Variants in UBE3B observed in about 807,000 individuals in gnomAD.
The protein encoded by UBE3B is ubiquitin protein ligase E3B.
A neutral mutation model predicts 132.3 loss-of-function variants in UBE3B; 80 were observed. The ratio of observed to expected loss-of-function variants is 0.60; its 90% CI spans 0.50 to 0.73. The LOEUF is 0.73. Among genes scored for constraint, UBE3B ranks in the 30% least tolerant of loss-of-function variants. UBE3B has a pLI of 0.00. For synonymous variants in UBE3B, 487 were observed against 520.4 expected, an observed-to-expected ratio of 0.94 and a Z score of 0.87; for missense variants, 1,196 against 1,362.5, an observed-to-expected ratio of 0.88 and a Z score of 1.92.
At chr12:109,510,013 T>C (rs924641811) in intron 16 of UBE3B, among the ~76,000 whole-genome samples, 7 of 152,146 alleles carry the variant, frequency 4.6e-5, no homozygotes, top group African/African-American at 1.7e-4. Flanking sequence ...TTGATTTCCG[T>C]GAAGATAAAA....
chr12:109,516,714 A>C (rs756262426), intron 18 of UBE3B, 51 bp from the exon 19 acceptor site: 19 of 1,594,314 alleles, frequency 1.2e-5, no homozygotes, highest in Non-Finnish European at 1.5e-5. Context: ...GTTTTTATGG[A>C]ATCGTCAGTT....
rs1877403944 is a variant in UBE3B, at chr12:109,491,141, C to G, written c.713+14C>G. ...TCTAGCGTTACGGTGAGTAAGAAAC[C>G]ATAGCTGAGGTGTTGGCATGTTCTT... On this transcript the variant is annotated intron_variant, in intron 9 of 27. Coordinates refer to ENST00000342494, the MANE Select transcript of UBE3B (RefSeq NM_130466.4). The G allele has an allele frequency of 2.5e-6, 4 of 1,612,598 alleles. No homozygotes were observed.
Position 109,529,981 on chromosome 12 carries a change from A to G in UBE3B, c.2719A>G (p.Ile907Val), listed in dbSNP as rs1159793190. Residue 907 changes from isoleucine to valine, a missense_variant, in exon 25 of 28, where the codon ATC (isoleucine) becomes GTC (valine). Physicochemically the swap from Ile to Val is conservative, Grantham distance 29 (BLOSUM62 3). Coordinates refer to ENST00000342494, the MANE Select transcript of UBE3B (RefSeq NM_130466.4). ...AALISGFRSI[I>V]KPEWIRMFST... is the part of the protein sequence containing the mutation. The stretch of plus-strand genomic sequence containing the variant: ...CCTCATTAGCGGATTCCGTTCCATT[A>G]TCAAACCCGAGTGGATCCGAATGTT... The G allele has an allele frequency of 1.9e-6, 3 of 1,614,044 alleles. No homozygotes were observed. In the African/African-American group the frequency reaches 4.0e-5, roughly 22 times the overall value.
chr12:109,528,857 AAAAG>A (rs142513921), intron 24 of UBE3B, among the ~76,000 whole-genome samples: 25,222 of 150,666 alleles, frequency 0.17, 2,133 homozygotes, highest in African/African-American at 0.19. Flanking sequence ...CTCAAAAAAA[AAAAG>A]AAAAGAAAAA....
At chr12:109,547,380 T>G in the UBE3B span, among the ~76,000 whole-genome samples, 3 of 152,230 alleles carry the variant, frequency 2.0e-5, no homozygotes, top group African/African-American at 7.2e-5. This position sits in a 1 kb window ranked among gnomAD's most constrained non-coding sequence, Gnocchi z 4.1. Flanking sequence ...ATACATGCAG[T>G]GCCGGCCATG....
intron 18 of UBE3B, among the ~76,000 whole-genome samples, chr12:109,512,321 C>T (rs950358100): frequency 6.6e-6 from 1 of 152,086 alleles, no homozygotes; most frequent in African/African-American, 2.4e-5. Context: ...CCTGCAGGAC[C>T]CGTCCCACAG....
Position 109,503,057 on chromosome 12 carries a change from A to G in UBE3B, c.1317A>G (p.Ser439=). 1 of 1,614,198 alleles carries G rather than the reference A, an allele frequency of 6.2e-7. No individual in the cohort carries two copies. The highest frequency in any genetic ancestry group is 1.3e-5 in the African/African-American group (1 of 75,052). Residue 439 remains serine (S), a synonymous_variant, in exon 14 of 28, where the codon TCA becomes TCG. Coordinates refer to ENST00000342494, the MANE Select transcript of UBE3B (RefSeq NM_130466.4). ...LLKRAFQKSA[S]VRNILRPVGG... Reference sequence around the variant, plus strand: ...AGCGTGCTTTTCAAAAGTCGGCATCAGTCCGGAATATTCTCAGGCCTGTCG... The same window carrying G: ...AGCGTGCTTTTCAAAAGTCGGCATCGGTCCGGAATATTCTCAGGCCTGTCG...
chr12:109,494,628 A>C (rs1036804264), intron 9 of UBE3B, among the ~76,000 whole-genome samples: 4 of 152,234 alleles, frequency 2.6e-5, no homozygotes, highest in African/African-American at 4.8e-5. Context: ...AGAGGTACTT[A>C]AATGCAACAG....
rs1223709121 is a variant in UBE3B at position 109,521,788 on chromosome 12, G to A, written c.2364+237G>A. Among the ~76,000 whole-genome samples the A allele has an allele frequency of 6.6e-6, 1 of 152,164 alleles. No individual in the cohort carries two copies. The highest frequency in any genetic ancestry group is 2.4e-5 in the African/African-American group (1 of 41,442). Reference sequence around the variant, plus strand: ...GCTGCCACTGTCCTGGCTATTTAAGGATGGGAGACCTGAAGCTTTGAGGAG... The same window carrying A: ...GCTGCCACTGTCCTGGCTATTTAAGAATGGGAGACCTGAAGCTTTGAGGAG... On this transcript the variant is annotated intron_variant, in intron 21 of 27. Transcript: ENST00000342494. This position sits in a 1 kb window ranked among gnomAD's most constrained non-coding sequence, Gnocchi z 4.2.
intron 8 of UBE3B, 200 bp from the exon 9 acceptor site, chr12:109,490,845 G>T: frequency 1.7e-6 from 2 of 1,182,352 alleles, no homozygotes; most frequent in Non-Finnish European, 2.3e-6. Context: ...TAAGAGACAG[G>T]GTTGCCCTGT....
intron 10 of UBE3B, 93 bp from the exon 11 acceptor site, chr12:109,498,140 A>G (rs1340091404): frequency 2.1e-5 from 32 of 1,549,834 alleles, no homozygotes; most frequent in Non-Finnish European, 2.6e-6. Context: ...CACATCCTCC[A>G]TAACCACGGG....
intron 27 of UBE3B, chr12:109,533,835 A>G (rs770202886): frequency 6.7e-5 from 72 of 1,073,458 alleles, no homozygotes; most frequent in Non-Finnish European, 7.6e-5. Flanking sequence ...TGCTGTTTTT[A>G]GTGGCGTCTG....
At chr12:109,510,188 C>G (rs775651878) in intron 16 of UBE3B, among the ~76,000 whole-genome samples, 156 bp from the exon 17 acceptor site, 3 of 152,200 alleles carry the variant, frequency 2.0e-5, no homozygotes, top group African/African-American at 7.2e-5. Flanking sequence ...ACACTTAGCA[C>G]TTACCCAGGG....
chr12:109,528,626 G>C, intron 24 of UBE3B: 2 of 368,308 alleles, frequency 5.4e-6, no homozygotes, highest in Non-Finnish European at 7.5e-6. Flanking sequence ...GGCCAAGGCA[G>C]GTGGATCACC....
chr12:109,509,560 A>G (rs763004002), intron 15 of UBE3B, 36 bp from the exon 16 acceptor site: 51 of 1,432,408 alleles, frequency 3.6e-5, no homozygotes, highest in Non-Finnish European at 4.8e-5. Flanking sequence ...GCCTTTTTTC[A>G]GTGTGGAATT....
chr12:109,521,071 C>T lies in UBE3B; in HGVS notation c.2077-77C>T. 1 of 1,543,142 alleles carries T rather than the reference C, an allele frequency of 6.5e-7. No individual in the cohort carries two copies. The highest frequency in any genetic ancestry group is 2.3e-5 in the East Asian group (1 of 44,118). On this transcript the variant is annotated intron_variant, in intron 19 of 27. Transcript: ENST00000342494. This position sits in a 1 kb window ranked among gnomAD's most constrained non-coding sequence, Gnocchi z 4.2. ...TGGTAATGATGCTGGGAGAGCTTCG[C>T]ACAGAGGAGAGGGAACCCCGAATTG...
At chr12:109,502,342 TC>T (rs957301755) in intron 13 of UBE3B, among the ~76,000 whole-genome samples, 4 of 152,228 alleles carry the variant, frequency 2.6e-5, no homozygotes, top group African/African-American at 9.6e-5. Flanking sequence ...TCAGTGGCTT[TC>T]CTATCGCAGG....
Position 109,535,536 on chromosome 12 carries a change from G to A in UBE3B, c.*754G>A, listed in dbSNP as rs1883356571. ...CTGGTTTGGGGGAAGAAAAACAACG[G>A]CCCTTAGCAGCAGCCCCGTTTCCAG... On this transcript the variant is annotated 3_prime_UTR_variant, in exon 28 of 28. Transcript: ENST00000342494. 1 of 152,262 alleles carries A rather than the reference G, an allele frequency of 6.6e-6. No individual in the cohort carries two copies. Among genetic ancestry groups the A allele is most frequent in the Admixed American group, 6.5e-5 (1 of 15,288 alleles). The allele number at this position is 152,262 out of a possible 1,614,324, so 9.4% of individuals were successfully genotyped here.
At chr12:109,517,020 A>G (rs368743705) in intron 19 of UBE3B, 136 bp downstream of exon 19, 18 of 1,353,158 alleles carry the variant, frequency 1.3e-5, no homozygotes, top group African/African-American at 1.2e-4. Context: ...GGAGCAGGAA[A>G]GGGGTCATTT....
Sources: gnomAD v4.1 joint callset for allele counts (sites outside exome capture counted in the v4.1 genomes callset) on GRCh38, gnomAD v4.1.1 for gene constraint, Gnocchi (gnomAD v3.1) non-coding constraint, MANE v1.5 for transcripts, NCBI Gene and HGNC (gene_info 2026-07-23, HGNC 2026-07-21) for gene names.